Variants in SIRPB2 observed in about 807,000 individuals in gnomAD.
SIRPB2 encodes the protein signal regulatory protein beta 2, also known as signal-regulatory protein beta-2.
SIRPB2 carries 18 observed loss-of-function variants against 27.1 expected under a neutral mutation model. The observed-to-expected ratio is 0.66, with a 90% CI of 0.46 to 0.98. The LOEUF (loss-of-function observed/expected upper bound fraction) is 0.98. Ranked by LOEUF, SIRPB2 falls within the 50% of genes least tolerant of loss-of-function variation. The pLI is 0.00. For synonymous variants in SIRPB2, 150 were observed against 164.6 expected (o/e 0.91, Z 0.68); for missense variants, 420 against 417.4 (o/e 1.01, Z -0.06).
chr20:1,480,836 A>T (rs2090664312), intron 1 of SIRPB2, among the ~76,000 whole-genome samples: 1 of 152,206 alleles, frequency 6.6e-6, no homozygotes, highest in African/African-American at 2.4e-5. Flanking sequence ...GGCTTGATTC[A>T]AGCCCTCTCA....
In SIRPB2 at chr20:1,491,420, T is replaced by C. The variant is rs572642489; in HGVS notation, c.-61A>G. 3 of 1,498,786 alleles carry C rather than the reference T, an allele frequency of 2.0e-6. No homozygotes were observed. The East Asian group carries it at 7.4e-5, about 37-fold the overall frequency. The allele number at this position is 1,498,786 out of a possible 1,614,324, so 92.8% of individuals were successfully genotyped here. ...CTGCTCTCTTGTGAGTGTTGGAGTC[T>C]GAGGCGGGGCCCGTGGACAAGGCAG... is the stretch of plus-strand genomic sequence containing the variant. On this transcript the variant is annotated 5_prime_UTR_variant, in exon 1 of 5. Coordinates refer to ENST00000359801, the MANE Select transcript of SIRPB2 (RefSeq NM_001122962.2).
At position 1,484,988 on chromosome 20, in the gene SIRPB2, C is replaced by G. The variant is rs570755338; in HGVS notation, c.86-4923G>C. On this transcript the variant is annotated intron_variant, in intron 1 of 4. Transcript: ENST00000359801. ...TATGTTAAGTGAAATAAGCCAGGCA[C>G]AGAAAGACAAACATCACATGTTTTC... Among the ~76,000 whole-genome samples, 206 of 152,234 alleles carry G rather than the reference C, an allele frequency of 1.4e-3. 1 individual carries two copies. Among genetic ancestry groups the G allele is most frequent in the Non-Finnish European group, 2.4e-3 (160 of 68,004 alleles).
intron 1 of SIRPB2, among the ~76,000 whole-genome samples, chr20:1,482,630 C>T (rs1252535717): frequency 6.9e-6 from 1 of 143,892 alleles, no homozygotes; most frequent in African/African-American, 2.5e-5. Flanking sequence ...TGCAATGGCA[C>T]TATCTCGGCT....
chr20:1,471,638 G>A (rs778947861), downstream of SIRPB2, among the ~76,000 whole-genome samples: 3 of 152,140 alleles, frequency 2.0e-5, no homozygotes, highest in Non-Finnish European at 4.4e-5. Context: ...CTCTCTGGGC[G>A]GTGTGTCTTG....
intron 1 of SIRPB2, among the ~76,000 whole-genome samples, chr20:1,488,726 G>C (rs1481377962): frequency 6.6e-6 from 1 of 152,178 alleles, no homozygotes; most frequent in Non-Finnish European, 1.5e-5. Context: ...CATAATAAGT[G>C]TTGGTGAGGA....
intron 1 of SIRPB2, among the ~76,000 whole-genome samples, chr20:1,486,076 C>CTT (rs200298743): frequency 4.9e-5 from 7 of 141,512 alleles, no homozygotes; most frequent in Non-Finnish European, 1.1e-4. Context: ...CTTTTCTTTT[C>CTT]TTTTTTTTTT....
intron 1 of SIRPB2, among the ~76,000 whole-genome samples, chr20:1,489,754 C>G (rs2090760062): frequency 6.6e-6 from 1 of 151,984 alleles, no homozygotes; most frequent in South Asian, 2.1e-4. Context: ...TCCTCTACTG[C>G]AAAATAGGGG....
At chr20:1,484,142 A>G (rs1412843020) in intron 1 of SIRPB2, among the ~76,000 whole-genome samples, 2 of 152,362 alleles carry the variant, frequency 1.3e-5, no homozygotes, top group South Asian at 2.1e-4. Context: ...CTGGATATCC[A>G]TATGCAGAAG....
intron 1 of SIRPB2, among the ~76,000 whole-genome samples, chr20:1,480,931 T>C (rs886175800): frequency 6.6e-6 from 1 of 152,146 alleles, no homozygotes; most frequent in Non-Finnish European, 1.5e-5. Context: ...TCAGTGTAAA[T>C]ACCCTTTCTG....
At chr20:1,481,125 A>G (rs2090666794) in intron 1 of SIRPB2, among the ~76,000 whole-genome samples, 1 of 152,212 alleles carries the variant, frequency 6.6e-6, no homozygotes, top group Non-Finnish European at 1.5e-5. Context: ...GAATTCTGTG[A>G]GGTAGATGCT....
chr20:1,484,501 A>G, intron 1 of SIRPB2, among the ~76,000 whole-genome samples: 1 of 151,850 alleles, frequency 6.6e-6, no homozygotes, highest in East Asian at 1.9e-4. Context: ...CAAACAACTC[A>G]ACAGTTAAAA....
Position 1,478,472 on chromosome 20 carries a change from C to A in SIRPB2, c.587G>T (p.Gly196Val). ...GPPGPIRWFQ[G>V]AGLSREAIYN... ...AATGGCCTCCCGGCTCAGACCAGCT[C>A]CCTGGAACCACCTGATGGGTCCAGG... Residue 196 changes from glycine to valine, a missense_variant, in exon 3 of 5, where the codon GGA becomes GTA. Coordinates refer to ENST00000359801, the MANE Select transcript of SIRPB2 (RefSeq NM_001122962.2). The A allele has an allele frequency of 6.2e-7, 1 of 1,614,154 alleles. No homozygotes were observed. Among genetic ancestry groups the A allele is most frequent in the South Asian group, 1.1e-5 (1 of 91,084 alleles).
At chr20:1,471,298 G>A (rs1206701229), downstream of SIRPB2, among the ~76,000 whole-genome samples, 2 of 152,230 alleles carry the variant, frequency 1.3e-5, no homozygotes, top group East Asian at 3.8e-4. Context: ...CTACTTGTGG[G>A]TGTGTGCACT....
chr20:1,478,209 A>T, intron 3 of SIRPB2, 57 bp downstream of exon 3: 1 of 1,540,776 alleles, frequency 6.5e-7, no homozygotes. Flanking sequence ...CATGTAGAAA[A>T]ATTCCTGTTG....
Position 1,476,068 on chromosome 20 carries a change from G to T in SIRPB2, c.*99C>A. ...TAGGGATCTAGGAGTTTGTCATGAG[G>T]CCTGGGGGCACCTAGAGGCTGGGAC... On this transcript the variant is annotated 3_prime_UTR_variant, in exon 5 of 5. Transcript: ENST00000359801. 1 of 1,395,466 alleles carries T rather than the reference G, an allele frequency of 7.2e-7. No homozygotes were observed. The highest frequency in any genetic ancestry group is 9.9e-7 in the Non-Finnish European group (1 of 1,009,426). 86.4% of individuals were successfully genotyped at this position (1,395,466 alleles called of 1,614,324 possible).
chr20:1,480,042 T>C lies in SIRPB2; in HGVS notation c.109A>G (p.Asn37Asp). Residue 37 changes from asparagine to aspartate, a missense_variant, in exon 2 of 5, where the codon AAT becomes GAT. Asn to Asp is a conservative substitution (Grantham distance 23). Coordinates refer to ENST00000359801, the MANE Select transcript of SIRPB2 (RefSeq NM_001122962.2). ...PSDASGQSSR[N>D]DWQVLQPEGP... ...TCGGGCTGTAGCACCTGCCAGTCAT[T>C]CCTGCTGCTCTGCCCAGAGGCATCT... 6.2e-7 allele frequency: 1 copy of C among 1,613,008 alleles called. No homozygotes were observed.
In SIRPB2 at chr20:1,478,341, AG is replaced by A; in HGVS notation, c.717del (p.Tyr240IlefsTer4). On this transcript the variant is annotated frameshift_variant, in exon 3 of 5. Coordinates refer to ENST00000359801, the MANE Select transcript of SIRPB2 (RefSeq NM_001122962.2). LOFTEE classifies it high-confidence loss of function. ...TTCCTCTGAAACTTTACACAGTAAT[AG>A]GTGCCTGCATCCTCACTGGAGACGT... ...LQNVSSEDAG[T>X]YYCVKFQRKP... is the part of the protein sequence containing the mutation. The A allele has an allele frequency of 6.2e-7, 1 of 1,614,178 alleles. No homozygotes were observed. Among genetic ancestry groups the A allele is most frequent in the Non-Finnish European group, 8.5e-7 (1 of 1,180,046 alleles).
chr20:1,489,401 T>C (rs982917451), intron 1 of SIRPB2, among the ~76,000 whole-genome samples: 2 of 152,248 alleles, frequency 1.3e-5, no homozygotes, highest in Non-Finnish European at 2.9e-5. Context: ...TTTGTAAAGA[T>C]GAAGCCTGCG....
chr20:1,478,477 G>C lies in SIRPB2; in HGVS notation c.582C>G (p.Phe194Leu), dbSNP rs771244814. Reference protein sequence around the residue: ...GDGPPGPIRWFQGAGLSREAI... With the variant: ...GDGPPGPIRWLQGAGLSREAI... ...CCTCCCGGCTCAGACCAGCTCCCTG[G>C]AACCACCTGATGGGTCCAGGGGGAC... The change falls in exon 3 of 5, where the codon TTC (phenylalanine) becomes TTG (leucine). Residue 194 changes from phenylalanine (F) to leucine (L), a missense_variant. Transcript: ENST00000359801. 1.2e-6 allele frequency: 2 copies of C among 1,614,138 alleles called. No homozygotes were observed. Among genetic ancestry groups the C allele is most frequent in the Admixed American group, 1.7e-5 (1 of 60,022 alleles).
Sources: allele counts gnomAD v4.1 joint callset (sites outside exome capture counted in the v4.1 genomes callset), GRCh38; gene constraint gnomAD v4.1.1; transcripts MANE v1.5; gene names NCBI Gene and HGNC (gene_info 2026-07-23, HGNC 2026-07-21).